The following SLC9A9 variants were observed in gnomAD, a reference collection of about 807,000 sequenced individuals.
SLC9A9 encodes solute carrier family 9 member A9.
SLC9A9 carries 62 observed loss-of-function variants against 77.8 expected under a neutral mutation model. That is an observed-to-expected ratio of 0.80 (90% CI 0.65 to 0.98). The LOEUF is 0.98. Ranked by LOEUF, SLC9A9 falls within the 50% of genes least tolerant of loss-of-function variation. SLC9A9 has a pLI of 0.00. For synonymous variants in SLC9A9, 320 were observed against 283.5 expected, an observed-to-expected ratio of 1.13 and a Z score of -1.29; for missense variants, 775 against 774.9, an observed-to-expected ratio of 1.00 and a Z score of 0.00.
At chr3:143,618,158 G>A (rs2038138693) in intron 6 of SLC9A9, among the ~76,000 whole-genome samples, 1 of 152,170 alleles carries the variant, frequency 6.6e-6, no homozygotes, top group African/African-American at 2.4e-5. Flanking sequence ...GGGAGGAAAA[G>A]CATTAATATA....
At chr3:143,765,743 T>C (rs1363114340) in intron 4 of SLC9A9, among the ~76,000 whole-genome samples, 3 of 152,214 alleles carry the variant, frequency 2.0e-5, no homozygotes, top group Non-Finnish European at 4.4e-5. Flanking sequence ...GGTGAAATGA[T>C]TGCATTAACA....
intron 4 of SLC9A9, among the ~76,000 whole-genome samples, chr3:143,718,877 G>A (rs919881105): frequency 5.3e-5 from 8 of 152,090 alleles, no homozygotes; most frequent in African/African-American, 1.9e-4. Flanking sequence ...TCAGAAACTC[G>A]GAGTTTAGCT....
chr3:143,699,502 A>G (rs569765962), intron 4 of SLC9A9, among the ~76,000 whole-genome samples: 2 of 152,292 alleles, frequency 1.3e-5, no homozygotes, highest in African/African-American at 4.8e-5. Context: ...GATAAAGAGA[A>G]TCTGTGCTTC....
chr3:143,788,717 C>T (rs2008130635), intron 4 of SLC9A9, among the ~76,000 whole-genome samples: 1 of 141,014 alleles, frequency 7.1e-6, no homozygotes, highest in South Asian at 2.3e-4. Flanking sequence ...AAGACATCAT[C>T]TCTGATGATG....
At chr3:143,833,844 A>G (rs908589916) in intron 1 of SLC9A9, among the ~76,000 whole-genome samples, 5 of 152,210 alleles carry the variant, frequency 3.3e-5, no homozygotes, top group African/African-American at 9.7e-5. Flanking sequence ...AATCTGGTGC[A>G]TTTAGGGAGT....
chr3:143,537,917 T>C (rs1373795244), intron 9 of SLC9A9, among the ~76,000 whole-genome samples: 1 of 152,232 alleles, frequency 6.6e-6, no homozygotes, highest in Non-Finnish European at 1.5e-5. Context: ...CTTAAAGGTT[T>C]AGTTATCTTT....
intron 12 of SLC9A9, among the ~76,000 whole-genome samples, chr3:143,440,046 T>G (rs973555312): frequency 2.6e-5 from 4 of 152,234 alleles, no homozygotes; most frequent in Non-Finnish European, 4.4e-5. Context: ...TACATTGTTT[T>G]CATGCTCACT....
chr3:143,550,439 T>C (rs970485511), intron 9 of SLC9A9, among the ~76,000 whole-genome samples: 8 of 152,224 alleles, frequency 5.3e-5, no homozygotes, highest in Non-Finnish European at 8.8e-5. Flanking sequence ...AGGGATCAGC[T>C]TGGCCTCTGG....
intron 12 of SLC9A9, among the ~76,000 whole-genome samples, chr3:143,402,613 T>C (rs1343698848): frequency 6.6e-6 from 1 of 152,042 alleles, no homozygotes; most frequent in Admixed American, 6.6e-5. Context: ...TTATAAAGTG[T>C]TCCTTTTCAT....
intron 11 of SLC9A9, among the ~76,000 whole-genome samples, 178 bp downstream of exon 11, chr3:143,493,475 C>T (rs1050163706): frequency 6.6e-6 from 1 of 152,194 alleles, no homozygotes; most frequent in African/African-American, 2.4e-5. Flanking sequence ...TCATTTCCCA[C>T]TTGGAAAGAG....
At chr3:143,648,636 A>G (rs1178917128) in intron 6 of SLC9A9, among the ~76,000 whole-genome samples, 3 of 152,170 alleles carry the variant, frequency 2.0e-5, no homozygotes, top group Non-Finnish European at 4.4e-5. Flanking sequence ...TCATGGCAGT[A>G]TTACCTGAGC....
intron 14 of SLC9A9, among the ~76,000 whole-genome samples, chr3:143,348,950 T>G (rs1311181477): frequency 2.0e-5 from 3 of 152,210 alleles, no homozygotes; most frequent in African/African-American, 7.2e-5. Flanking sequence ...TCAGAACTTC[T>G]GACTCCTAAT....
chr3:143,651,738 C>G (rs1473853413), intron 6 of SLC9A9, among the ~76,000 whole-genome samples: 1 of 152,198 alleles, frequency 6.6e-6, no homozygotes, highest in Non-Finnish European at 1.5e-5. Context: ...TGCACTGGTG[C>G]TGAGCTGAAG....
intron 9 of SLC9A9, among the ~76,000 whole-genome samples, chr3:143,525,944 A>G (rs1453931295): frequency 6.6e-6 from 1 of 152,246 alleles, no homozygotes; most frequent in East Asian, 1.9e-4. Context: ...AATAGCTACA[A>G]AAGACTGGAA....
At chr3:143,713,859 G>C (rs1019221864) in intron 4 of SLC9A9, among the ~76,000 whole-genome samples, 1 of 152,200 alleles carries the variant, frequency 6.6e-6, no homozygotes. Context: ...AGCAGAGACT[G>C]TAAGAGGAAG....
intron 9 of SLC9A9, among the ~76,000 whole-genome samples, chr3:143,529,692 C>T (rs999040012): frequency 2.6e-5 from 4 of 151,846 alleles, no homozygotes; most frequent in South Asian, 4.2e-4. Context: ...AGTTAGATAC[C>T]GAGTATTTTG....
intron 12 of SLC9A9, among the ~76,000 whole-genome samples, chr3:143,435,877 GT>G (rs545766428): frequency 0.012 from 1,755 of 152,232 alleles, 11 homozygotes; most frequent in Middle Eastern, 0.034. Context: ...CACCTGGAGG[GT>G]TAACAGAGTT....
intron 9 of SLC9A9, among the ~76,000 whole-genome samples, chr3:143,511,694 G>A (rs755943267): frequency 5.3e-5 from 8 of 152,148 alleles, no homozygotes; most frequent in Non-Finnish European, 8.8e-5. Context: ...GGGGTATGAC[G>A]TAGTCTGTGG....
At chr3:143,293,199 C>T (rs1260889031) in intron 14 of SLC9A9, among the ~76,000 whole-genome samples, 5 of 152,202 alleles carry the variant, frequency 3.3e-5, no homozygotes, top group African/African-American at 1.2e-4. Context: ...ATTCCTCCTG[C>T]AGGTTAACAT....
Sources: gnomAD v4.1 joint callset for allele counts (sites outside exome capture counted in the v4.1 genomes callset) on GRCh38, gnomAD v4.1.1 for gene constraint, MANE v1.5 for transcripts, NCBI Gene and HGNC (gene_info 2026-07-23, HGNC 2026-07-21) for gene names.